The following DYNLRB1 variants were observed in gnomAD, a reference collection of about 807,000 sequenced individuals.
The protein encoded by DYNLRB1 is ROBL/LC7-like 1.
In DYNLRB1, 6 loss-of-function variants were observed where a neutral mutation model predicts 13.5. The observed-to-expected ratio is 0.44, with a 90% CI of 0.24 to 0.88. DYNLRB1 has a LOEUF of 0.88. DYNLRB1 is among the 40% of genes least tolerant of loss of function. DYNLRB1 has a pLI of 0.21. For missense variants in DYNLRB1, 93 were observed against 127.2 expected (o/e 0.73, Z 1.29); for synonymous variants, 43 against 45.0 (o/e 0.96, Z 0.18).
chr20:34,533,148 C>G (rs760569656), intron 2 of DYNLRB1, among the ~76,000 whole-genome samples: 20 of 152,174 alleles, frequency 1.3e-4, no homozygotes, highest in Middle Eastern at 3.2e-3. Flanking sequence ...ACAGTAGGCA[C>G]CGTCCAGTGA....
rs569837170 is a variant in DYNLRB1, at chr20:34,534,719, G to T, written c.171G>T (p.Val57=). The T allele has an allele frequency of 6.2e-7, 1 of 1,613,642 alleles. No homozygotes were observed. The highest frequency in any genetic ancestry group is 1.7e-5 in the Admixed American group (1 of 60,000). Residue 57 remains valine, a synonymous_variant, in exon 3 of 4, where the codon GTG becomes GTT. Transcript: ENST00000357156. ...TCATCCTGAAGGCACGGAGCACCGT[G>T]CGTGACATCGACCCCCAGAACGATC... The part of the protein sequence containing the change: ...HSFILKARST[V]RDIDPQNDLT...
At chr20:34,537,767 G>A (rs920586917) in intron 3 of DYNLRB1, among the ~76,000 whole-genome samples, 4 of 152,158 alleles carry the variant, frequency 2.6e-5, no homozygotes, top group Non-Finnish European at 5.9e-5. Context: ...GGAAGTGCCC[G>A]TTTGAGACTG....
intron 3 of DYNLRB1, among the ~76,000 whole-genome samples, chr20:34,536,994 C>T (rs558208346): frequency 5.3e-5 from 8 of 152,286 alleles, no homozygotes; most frequent in East Asian, 1.9e-4. Flanking sequence ...AACTTGGCAG[C>T]GGCAGCGTCT....
intron 2 of DYNLRB1, chr20:34,533,479 G>T: frequency 2.0e-6 from 2 of 985,456 alleles, no homozygotes; most frequent in Non-Finnish European, 2.4e-6. Flanking sequence ...AAATCATGAT[G>T]GTTATGTCCC....
At chr20:34,522,023 G>A (rs891832756) in intron 1 of DYNLRB1, among the ~76,000 whole-genome samples, 1 of 151,594 alleles carries the variant, frequency 6.6e-6, no homozygotes, top group Admixed American at 6.6e-5. Context: ...GACAGAGTGA[G>A]ACCCTATCTC....
chr20:34,537,193 C>T (rs556562393), intron 3 of DYNLRB1, among the ~76,000 whole-genome samples: 40 of 152,158 alleles, frequency 2.6e-4, no homozygotes, highest in African/African-American at 7.5e-4. Context: ...AGGGGGCGCC[C>T]GTGCTCTCAA....
chr20:34,523,514 G>A (rs566923254), intron 1 of DYNLRB1, among the ~76,000 whole-genome samples: 6 of 152,068 alleles, frequency 3.9e-5, no homozygotes, highest in East Asian at 1.9e-4. Context: ...TGAACATACC[G>A]GATGCTTGCC....
intron 3 of DYNLRB1, among the ~76,000 whole-genome samples, chr20:34,537,232 C>T (rs1352070326): frequency 2.0e-5 from 3 of 152,194 alleles, no homozygotes; most frequent in Non-Finnish European, 4.4e-5. Flanking sequence ...CACACACATG[C>T]GGCGCTGTGC....
intron 1 of DYNLRB1, among the ~76,000 whole-genome samples, chr20:34,519,346 A>G (rs925289532): frequency 6.6e-6 from 1 of 152,198 alleles, no homozygotes; most frequent in Non-Finnish European, 1.5e-5. Flanking sequence ...GTGCATAAGC[A>G]CATTTATGTA....
At chr20:34,521,370 G>C (rs905893151) in intron 1 of DYNLRB1, among the ~76,000 whole-genome samples, 1 of 151,960 alleles carries the variant, frequency 6.6e-6, no homozygotes, top group Non-Finnish European at 1.5e-5. Flanking sequence ...GTAATTTCTC[G>C]TAGGCATATT....
At chr20:34,526,122 A>G (rs1980183071) in intron 1 of DYNLRB1, 146 bp from the exon 2 acceptor site, 2 of 807,890 alleles carry the variant, frequency 2.5e-6, no homozygotes, top group Non-Finnish European at 4.1e-6. Context: ...ACGTCAGATC[A>G]GCCTGGGGAA....
intron 1 of DYNLRB1, among the ~76,000 whole-genome samples, chr20:34,522,577 A>T (rs1431965766): frequency 6.9e-6 from 1 of 144,390 alleles, no homozygotes; most frequent in Non-Finnish European, 1.5e-5. Context: ...GGCTCAGGCA[A>T]TCCTTTCACC....
At chr20:34,539,300 C>T (rs1047601027) in intron 3 of DYNLRB1, among the ~76,000 whole-genome samples, 2 of 152,214 alleles carry the variant, frequency 1.3e-5, no homozygotes, top group Non-Finnish European at 1.5e-5. Flanking sequence ...ATCCCTGGAG[C>T]TGGAATCCAG....
At chr20:34,539,521 C>T (rs139999048) in intron 3 of DYNLRB1, among the ~76,000 whole-genome samples, 1 of 148,180 alleles carries the variant, frequency 6.7e-6, no homozygotes, top group East Asian at 2.0e-4. Context: ...CTGTACAAAA[C>T]TTTTTTTTTT....
At chr20:34,528,311 CAAAAAAAAAAAAAAAAA>C (rs59104612) in intron 2 of DYNLRB1, among the ~76,000 whole-genome samples, 3 of 5,204 alleles carry the variant, frequency 5.8e-4, no homozygotes, top group East Asian at 4.0e-3. Flanking sequence ...GACTCCGTCT[CAAAAAAAAAAAAAAAAA>C]AAAAAAAAAA....
chr20:34,540,629 C>T lies in DYNLRB1; in HGVS notation c.*5C>T. 6.2e-7 allele frequency: 1 copy of T among 1,613,702 alleles called. No homozygotes were observed. The highest frequency in any genetic ancestry group is 8.5e-7 in the Non-Finnish European group (1 of 1,179,724). ...ATTCAGAATCCAACCGAATAAGCCA[C>T]TCTCTTGGCTCCCTGTGTCATTCCT... On this transcript the variant is annotated 3_prime_UTR_variant, in exon 4 of 4. Coordinates refer to ENST00000357156, the MANE Select transcript of DYNLRB1 (RefSeq NM_014183.4).
In DYNLRB1 at chr20:34,534,708, C is replaced by T. The variant is rs1348426601; in HGVS notation, c.160C>T (p.Arg54Trp). The T allele has an allele frequency of 2.5e-6, 4 of 1,611,424 alleles. No individual in the cohort carries two copies. The highest frequency in any genetic ancestry group is 2.2e-5 in the East Asian group (1 of 44,900). The change falls in exon 3 of 4, where the codon CGG (arginine) becomes TGG (tryptophan). Residue 54 changes from arginine (R) to tryptophan (W), a missense_variant. Transcript: ENST00000357156. ...SLMHSFILKA[R>W]STVRDIDPQN... ...CATGCACAGCTTCATCCTGAAGGCA[C>T]GGAGCACCGTGCGTGACATCGACCC...
At chr20:34,522,827 G>T (rs1456796359) in intron 1 of DYNLRB1, among the ~76,000 whole-genome samples, 3 of 152,160 alleles carry the variant, frequency 2.0e-5, no homozygotes, top group African/African-American at 7.2e-5. Context: ...TTGAGTTTCA[G>T]ATCACCTAAA....
At chr20:34,534,494 C>G in intron 2 of DYNLRB1, 134 bp from the exon 3 acceptor site, 1 of 1,146,466 alleles carries the variant, frequency 8.7e-7, no homozygotes, top group Non-Finnish European at 1.2e-6. Context: ...CCATGCCTGT[C>G]ACATAGCAAG....
Sources: allele counts gnomAD v4.1 joint callset (sites outside exome capture counted in the v4.1 genomes callset), GRCh38; gene constraint gnomAD v4.1.1; transcripts MANE v1.5; gene names NCBI Gene and HGNC (gene_info 2026-07-23, HGNC 2026-07-21).